The following CHD9 variants were observed in gnomAD, a reference collection of about 807,000 sequenced individuals.
CHD9 encodes the protein chromodomain helicase DNA binding protein 9.
Under a neutral mutation model 316.1 loss-of-function variants are expected in CHD9, and 77 were observed. The observed-to-expected ratio is 0.24, with a 90% CI of 0.20 to 0.29. The LOEUF (loss-of-function observed/expected upper bound fraction) is 0.29, where lower values mean the gene tolerates loss of function less well. Among genes scored for constraint, CHD9 ranks in the 10% least tolerant of loss-of-function variants. The pLI, the probability that CHD9 is intolerant of heterozygous loss-of-function variation, is 1.00. For missense variants in CHD9, 2,763 were observed against 3,438.1 expected (o/e 0.80, Z 4.91); for synonymous variants, 1,129 against 1,158.3 (o/e 0.97, Z 0.51).
intron 1 of CHD9, among the ~76,000 whole-genome samples, chr16:53,118,356 G>T (rs572014796): frequency 1.4e-4 from 21 of 152,110 alleles, no homozygotes; most frequent in Non-Finnish European, 2.9e-4. Context: ...GGCGGAGGTT[G>T]CAGTGAGCCG....
At chr16:53,210,773 A>G (rs2046270824) in intron 3 of CHD9, among the ~76,000 whole-genome samples, 1 of 152,104 alleles carries the variant, frequency 6.6e-6, no homozygotes, top group Non-Finnish European at 1.5e-5. Flanking sequence ...ATGCAATTTT[A>G]TAAATCAAAT....
chr16:53,124,781 C>G (rs1292514146), intron 1 of CHD9, among the ~76,000 whole-genome samples: 1 of 151,998 alleles, frequency 6.6e-6, no homozygotes, highest in East Asian at 1.9e-4. Context: ...CACCCAGCCT[C>G]GTGAGACTTA....
At position 53,318,213 on chromosome 16, in the gene CHD9, G is replaced by T; in HGVS notation, c.7586G>T (p.Arg2529Ile). ...TATGTCTTTATCTATATATTTTAGAGAATGCAGCTTCATGAGGGAAGACCC... is the reference window on the plus strand; with the variant it reads ...TATGTCTTTATCTATATATTTTAGATAATGCAGCTTCATGAGGGAAGACCC... ...YVEDLGAFIP[R>I]MQLHEGRPKQ... Residue 2529 changes from arginine (R) to isoleucine (I), a missense_variant and splice_region_variant, in exon 37 of 39, where the codon AGA becomes ATA. By Grantham distance (97) the Arg-to-Ile change is moderately conservative. Transcript: ENST00000447540. 1.2e-6 allele frequency: 2 copies of T among 1,608,350 alleles called. No homozygotes were observed. Among genetic ancestry groups the T allele is most frequent in the South Asian group, 1.1e-5 (1 of 89,850 alleles).
At chr16:53,194,302 G>A (rs2152833647) in intron 2 of CHD9, among the ~76,000 whole-genome samples, 1 of 152,256 alleles carries the variant, frequency 6.6e-6, no homozygotes, top group African/African-American at 2.4e-5. Flanking sequence ...CCGAGGCTGG[G>A]TGCAGTGGCT....
At chr16:53,244,294 G>T (rs1032652666) in intron 13 of CHD9, among the ~76,000 whole-genome samples, 1 of 150,058 alleles carries the variant, frequency 6.7e-6, no homozygotes, top group Admixed American at 6.7e-5. Context: ...CCGGGTTCAC[G>T]CCATTCTCCT....
intron 2 of CHD9, among the ~76,000 whole-genome samples, chr16:53,170,049 G>GTTTTT (rs1402669050): frequency 7.8e-6 from 1 of 127,736 alleles, no homozygotes; most frequent in African/African-American, 2.8e-5. Context: ...GTTTTTTTTT[G>GTTTTT]TTTTTTTTTG....
chr16:53,216,002 G>T (rs372159430), intron 3 of CHD9, among the ~76,000 whole-genome samples: 29 of 152,178 alleles, frequency 1.9e-4, no homozygotes, highest in African/African-American at 6.0e-4. Flanking sequence ...CTGAGTATCT[G>T]TTGCTACATT....
At chr16:53,080,501 C>A (rs542612856) in intron 1 of CHD9, among the ~76,000 whole-genome samples, 2 of 152,312 alleles carry the variant, frequency 1.3e-5, no homozygotes, top group East Asian at 3.9e-4. Context: ...ACCCCACCCA[C>A]CCCTGCTGCC....
chr16:53,065,418 G>A (rs1278726084), intron 1 of CHD9, among the ~76,000 whole-genome samples: 1 of 152,046 alleles, frequency 6.6e-6, no homozygotes, highest in Non-Finnish European at 1.5e-5. Flanking sequence ...AGGATTGCTT[G>A]AGCCCAGGAG....
intron 1 of CHD9, among the ~76,000 whole-genome samples, chr16:53,112,109 G>A (rs908025336): frequency 6.6e-6 from 1 of 152,178 alleles, no homozygotes; most frequent in African/African-American, 2.4e-5. Context: ...GAGAAATCAG[G>A]CAACAGCAGG....
intron 1 of CHD9, among the ~76,000 whole-genome samples, chr16:53,132,352 T>C (rs11075757): frequency 0.27 from 41,779 of 152,106 alleles, 5,833 homozygotes; most frequent in Middle Eastern, 0.29. Flanking sequence ...CTCAATTTTG[T>C]ATGCTACTTT....
At chr16:53,217,335 C>A (rs912008896) in intron 3 of CHD9, among the ~76,000 whole-genome samples, 5 of 152,098 alleles carry the variant, frequency 3.3e-5, no homozygotes, top group Admixed American at 1.3e-4. Context: ...CTTACAGCAA[C>A]CTCTGCCTCC....
At position 53,325,175 on chromosome 16, in the gene CHD9, A is replaced by C. The variant is rs1222750121; in HGVS notation, c.*280A>C. 2 of 266,842 alleles carry C rather than the reference A, an allele frequency of 7.5e-6. No individual in the cohort carries two copies. Among genetic ancestry groups the C allele is most frequent in the Non-Finnish European group, 1.4e-5 (2 of 140,420 alleles). The allele number at this position is 266,842 out of a possible 1,614,324, so 16.5% of individuals were successfully genotyped here. ...GGTTAATTTTATGAAAATTATGCTC[A>C]ATAAGAGTTGTATATTTAATATATT... On this transcript the variant is annotated 3_prime_UTR_variant, in exon 39 of 39. Transcript: ENST00000447540.
chr16:53,062,329 G>T (rs1342761610), intron 1 of CHD9, among the ~76,000 whole-genome samples: 1 of 152,164 alleles, frequency 6.6e-6, no homozygotes, highest in African/African-American at 2.4e-5. Context: ...GTTTCCACCT[G>T]TACATGGCTT....
chr16:53,286,275 G>T lies in CHD9; in HGVS notation c.5121G>T (p.Leu1707Phe), dbSNP rs374753890. ...TIRADPALCF[L>F]ERVGKPDEKA... is the part of the protein sequence containing the mutation. ...GAGCAGACCCAGCATTATGCTTCTT[G>T]GAAAGAGTGGGAAAACCTGATGAGA... is the stretch of plus-strand genomic sequence containing the variant. Residue 1707 changes from leucine (L) to phenylalanine (F), a missense_variant, in exon 26 of 39, where the codon TTG becomes TTT. This residue lies in a region of CHD9 where 183 missense variants were observed against 258.5 expected (regional missense o/e 0.71). Transcript: ENST00000447540. 3.7e-6 allele frequency: 6 copies of T among 1,613,140 alleles called. No individual in the cohort carries two copies. In the African/African-American group the frequency reaches 8.0e-5, roughly 22 times the overall value.
At position 53,258,124 on chromosome 16, in the gene CHD9, T is replaced by C. The variant is rs201901324; in HGVS notation, c.4209+2345T>C. Among the ~76,000 whole-genome samples the C allele has an allele frequency of 3.9e-5, 6 of 152,156 alleles. No homozygotes were observed. In the East Asian group the frequency reaches 1.2e-3, roughly 29 times the overall value. On this transcript the variant is annotated intron_variant, in intron 19 of 38. Coordinates refer to ENST00000447540, the MANE Select transcript of CHD9 (RefSeq NM_001308319.2). ...TTTAACATGTTAATGATAATGATCA[T>C]GGAAAGTCAGAAAAATAGGTTTTGA...
chr16:53,170,363 A>G (rs564906915), intron 2 of CHD9, among the ~76,000 whole-genome samples: 1 of 152,318 alleles, frequency 6.6e-6, no homozygotes, highest in South Asian at 2.1e-4. Context: ...ACCGATTGCC[A>G]TCATTATTCT....
chr16:53,098,475 CAAA>C (rs35249810), intron 1 of CHD9, among the ~76,000 whole-genome samples: 4 of 105,662 alleles, frequency 3.8e-5, no homozygotes, highest in Admixed American at 1.0e-4. Context: ...GACTCCGTCT[CAAA>C]AAAAAAAAAA....
At chr16:53,217,685 G>T (rs2046872438) in intron 3 of CHD9, among the ~76,000 whole-genome samples, 3 of 152,122 alleles carry the variant, frequency 2.0e-5, no homozygotes, top group Non-Finnish European at 4.4e-5. Flanking sequence ...TAATAAATTG[G>T]TAAGGTTTAC....
Sources: gnomAD v4.1 joint callset for allele counts (sites outside exome capture counted in the v4.1 genomes callset) on GRCh38, gnomAD v4.1.1 for gene constraint, gnomAD v4.1.1 regional missense constraint, MANE v1.5 for transcripts, NCBI Gene and HGNC (gene_info 2026-07-23, HGNC 2026-07-21) for gene names.